Variants in FAR2 observed in about 807,000 individuals in gnomAD.
FAR2 encodes the protein epididymis secretory protein Li 81.
FAR2 carries 19 observed loss-of-function variants against 56.0 expected under a neutral mutation model. The ratio of observed to expected loss-of-function variants is 0.34; its 90% CI spans 0.24 to 0.50. The LOEUF (loss-of-function observed/expected upper bound fraction) is 0.50. FAR2 is among the 20% of genes least tolerant of loss of function. FAR2 has a pLI of 0.98. For synonymous variants in FAR2, 219 were observed against 218.8 expected (o/e 1.00, Z -0.01); for missense variants, 508 against 642.2 (o/e 0.79, Z 2.26).
chr12:29,321,943 T>G lies in FAR2; in HGVS notation c.1257+19T>G. Reference sequence around the variant, plus strand: ...CCAGAGAGTAAGTAGAGCACTGACTTAAGCACCAGGAAAATGCTACTCACT... The same window carrying G: ...CCAGAGAGTAAGTAGAGCACTGACTGAAGCACCAGGAAAATGCTACTCACT... On this transcript the variant is annotated intron_variant, in intron 10 of 11. Transcript: ENST00000536681. 1.3e-6 allele frequency: 2 copies of G among 1,596,998 alleles called. No individual in the cohort carries two copies. Among genetic ancestry groups the G allele is most frequent in the Non-Finnish European group, 1.7e-6 (2 of 1,172,778 alleles).
At chr12:29,258,592 A>G (rs1948366404) in intron 1 of FAR2, among the ~76,000 whole-genome samples, 1 of 152,228 alleles carries the variant, frequency 6.6e-6, no homozygotes, top group African/African-American at 2.4e-5. Flanking sequence ...GCCTATTGCC[A>G]GCCAAAACTC....
At chr12:29,231,782 C>G (rs941932464) in intron 1 of FAR2, among the ~76,000 whole-genome samples, 3 of 152,080 alleles carry the variant, frequency 2.0e-5, no homozygotes, top group African/African-American at 7.2e-5. Context: ...ATTCATTTGG[C>G]AAACATAATG....
chr12:29,228,836 C>T (rs1252681791), intron 1 of FAR2, among the ~76,000 whole-genome samples: 3 of 152,176 alleles, frequency 2.0e-5, no homozygotes, highest in Admixed American at 2.0e-4. Flanking sequence ...GATCCGCTGG[C>T]CTTGCCCTCC....
At chr12:29,300,715 C>CTTAT (rs778356870) in intron 4 of FAR2, among the ~76,000 whole-genome samples, 1 of 151,872 alleles carries the variant, frequency 6.6e-6, no homozygotes, top group African/African-American at 2.4e-5. Context: ...TTCAGCAGTT[C>CTTAT]TTATTTATTT....
rs529786903 is a variant in FAR2 at position 29,273,071 on chromosome 12, C to T, written c.189+2433C>T. Among the ~76,000 whole-genome samples the T allele has an allele frequency of 3.9e-5, 6 of 152,254 alleles. No homozygotes were observed. In the East Asian group the frequency reaches 9.7e-4, roughly 25 times the overall value. Reference sequence around the variant, plus strand: ...CACCAGCCTGATGCCAGTAGGATTGCTCCTGTATAGAGTGTCTGACAACCC... The same window carrying T: ...CACCAGCCTGATGCCAGTAGGATTGTTCCTGTATAGAGTGTCTGACAACCC... On this transcript the variant is annotated intron_variant, in intron 2 of 11. Transcript: ENST00000536681.
chr12:29,186,401 G>A (rs1183873763), intron 1 of FAR2, among the ~76,000 whole-genome samples: 1 of 152,204 alleles, frequency 6.6e-6, no homozygotes, highest in Non-Finnish European at 1.5e-5. Flanking sequence ...CATAGAGACA[G>A]GAGATTGGTC....
At chr12:29,167,411 T>C (rs1339944826) in intron 1 of FAR2, among the ~76,000 whole-genome samples, 1 of 152,220 alleles carries the variant, frequency 6.6e-6, no homozygotes, top group Non-Finnish European at 1.5e-5. Context: ...CATTCCCCTA[T>C]TCAAGTCTGA....
chr12:29,291,172 GA>G, intron 2 of FAR2, among the ~76,000 whole-genome samples: 1 of 151,728 alleles, frequency 6.6e-6, no homozygotes, highest in Middle Eastern at 3.4e-3. Context: ...CCCTACAAAA[GA>G]AAAAAAGAAT....
chr12:29,150,714 C>A (rs1017377420), intron 1 of FAR2, among the ~76,000 whole-genome samples: 5 of 152,146 alleles, frequency 3.3e-5, no homozygotes, highest in African/African-American at 9.7e-5. Context: ...CAGGCCGACG[C>A]GTGTGTCAAT....
intron 3 of FAR2, among the ~76,000 whole-genome samples, chr12:29,296,367 A>G (rs1949072143): frequency 6.6e-6 from 1 of 152,242 alleles, no homozygotes; most frequent in Admixed American, 6.5e-5. Context: ...TAAATTGGAA[A>G]TGGAAATTAA....
At chr12:29,194,705 C>A (rs1031424636) in intron 1 of FAR2, among the ~76,000 whole-genome samples, 1 of 151,950 alleles carries the variant, frequency 6.6e-6, no homozygotes, top group Non-Finnish European at 1.5e-5. Context: ...GGTTAAGGGA[C>A]AGGGTTGGGG....
Position 29,333,910 on chromosome 12 carries a change from TGTTATGTATTC to T in FAR2, c.*119_*129del, listed in dbSNP as rs1235877358. The T allele has an allele frequency of 3.2e-6, 3 of 949,232 alleles. No homozygotes were observed. The highest frequency in any genetic ancestry group is 4.7e-6 in the Non-Finnish European group (3 of 632,842). 58.8% of individuals were successfully genotyped at this position (949,232 alleles called of 1,614,324 possible). On this transcript the variant is annotated 3_prime_UTR_variant, in exon 12 of 12. Coordinates refer to ENST00000536681, the MANE Select transcript of FAR2 (RefSeq NM_001271783.2). ...TATGCCCAAACTGTCAAATGTCACC[TGTTATGTATTC>T]GTCCCTATTCCTTAACTATGTATTT...
chr12:29,199,633 C>T (rs374970754), intron 1 of FAR2, among the ~76,000 whole-genome samples: 198 of 148,746 alleles, frequency 1.3e-3, no homozygotes, highest in African/African-American at 4.4e-3. Flanking sequence ...AAGAAACAAA[C>T]AAACAAAAGA....
At chr12:29,159,829 G>C (rs2136576642) in intron 1 of FAR2, among the ~76,000 whole-genome samples, 1 of 152,296 alleles carries the variant, frequency 6.6e-6, no homozygotes, top group Middle Eastern at 3.4e-3. Flanking sequence ...GGGAAAGTGA[G>C]AGGGGAAGAG....
chr12:29,259,406 G>C (rs1164674285), intron 1 of FAR2, among the ~76,000 whole-genome samples: 1 of 152,146 alleles, frequency 6.6e-6, no homozygotes, highest in African/African-American at 2.4e-5. Context: ...AAATCATCTT[G>C]TTTCTTTTCA....
At chr12:29,281,123 G>A (rs1948777465) in intron 2 of FAR2, 2 of 152,164 alleles carry the variant, frequency 1.3e-5, no homozygotes, top group African/African-American at 2.4e-5. Context: ...TTCAGCTTCT[G>A]GTTTGGTATT....
chr12:29,229,740 C>T (rs985956594), intron 1 of FAR2, among the ~76,000 whole-genome samples: 3 of 151,884 alleles, frequency 2.0e-5, no homozygotes, highest in South Asian at 2.1e-4. Flanking sequence ...TTGTATCATA[C>T]AGATAAGCAT....
At chr12:29,173,882 G>T (rs1949911252) in intron 1 of FAR2, among the ~76,000 whole-genome samples, 1 of 152,124 alleles carries the variant, frequency 6.6e-6, no homozygotes, top group South Asian at 2.1e-4. Flanking sequence ...AGGAAGGTTG[G>T]ATTTAGTGGC....
At chr12:29,193,644 A>C (rs1022865352) in intron 1 of FAR2, among the ~76,000 whole-genome samples, 5 of 152,162 alleles carry the variant, frequency 3.3e-5, no homozygotes, top group Non-Finnish European at 1.5e-5. Flanking sequence ...TTATTCACTC[A>C]CCTACTGAAG....
Sources: allele counts gnomAD v4.1 joint callset (sites outside exome capture counted in the v4.1 genomes callset), GRCh38; gene constraint gnomAD v4.1.1; transcripts MANE v1.5; gene names NCBI Gene and HGNC (gene_info 2026-07-23, HGNC 2026-07-21).